The following MAST4 variants were observed in gnomAD, a reference collection of about 807,000 sequenced individuals.
The protein encoded by MAST4 is microtubule-associated serine/threonine-protein kinase 4.
In MAST4, 89 loss-of-function variants were observed where a neutral mutation model predicts 162.7. That is an observed-to-expected ratio of 0.55 (90% confidence interval 0.46 to 0.65). MAST4 has a LOEUF of 0.65. Ranked by LOEUF, MAST4 falls within the 30% of genes least tolerant of loss-of-function variation. The probability of loss-of-function intolerance (pLI) is 0.00; values close to 1 mark genes in which losing one functional copy is unlikely to be tolerated. For missense variants in MAST4, 3,153 were observed against 3,374.0 expected (o/e 0.93, Z 1.62); for synonymous variants, 1,479 against 1,361.1 (o/e 1.09, Z -1.91).
In MAST4 at chr5:67,163,892, G is replaced by A; in HGVS notation, c.4713G>A (p.Glu1571=). 6.2e-7 allele frequency: 1 copy of A among 1,614,050 alleles called. No individual in the cohort carries two copies. ...ACTTTGCTCTGTTTAAGCTGGAAGAGAGAGAGAAGAAAGTCTATCCGAAGG... is the reference window on the plus strand; with the variant it reads ...ACTTTGCTCTGTTTAAGCTGGAAGAAAGAGAGAAGAAAGTCTATCCGAAGG... ...LENFALFKLE[E]REKKVYPKAV... is the part of the protein sequence containing the mutation. Residue 1571 remains glutamate, a synonymous_variant, in exon 29 of 29, where the codon GAG becomes GAA. Transcript: ENST00000403625. This position sits in a 1 kb window ranked among gnomAD's most constrained non-coding sequence, Gnocchi z 7.0.
rs765597420 is a variant in MAST4, at chr5:67,054,463, G to A, written c.734G>A (p.Arg245Gln). 4.3e-6 allele frequency: 7 copies of A among 1,610,770 alleles called. No homozygotes were observed. In the African/African-American group the frequency reaches 6.7e-5, roughly 15 times the overall value. ...AATGGGCAGTCACCAGCATTGCCTCGACCACACTCACCTCTCTCTGCTCAT... is the reference window on the plus strand; with the variant it reads ...AATGGGCAGTCACCAGCATTGCCTCAACCACACTCACCTCTCTCTGCTCAT... ...IGNGQSPALP[R>Q]PHSPLSAHAG... is the part of the protein sequence containing the mutation. The change falls in exon 5 of 29, where the codon CGA becomes CAA. Residue 245 changes from arginine to glutamine, a missense_variant. By Grantham distance (43) the Arg-to-Gln change is conservative (BLOSUM62 1). This residue lies in a region of MAST4 where 360 missense variants were observed against 450.0 expected (regional missense o/e 0.80). Transcript: ENST00000403625.
chr5:66,754,224 G>T (rs1233002094), intron 1 of MAST4, among the ~76,000 whole-genome samples: 1 of 152,118 alleles, frequency 6.6e-6, no homozygotes, highest in African/African-American at 2.4e-5. Context: ...TGGAAGAGGA[G>T]TGGAGTAGGA....
chr5:66,644,049 A>G (rs897467584), intron 1 of MAST4, among the ~76,000 whole-genome samples: 5 of 151,766 alleles, frequency 3.3e-5, no homozygotes, highest in African/African-American at 1.2e-4. Context: ...TAAGCTTTAA[A>G]AAAAATCTGT....
intron 26 of MAST4, among the ~76,000 whole-genome samples, chr5:67,159,673 C>T (rs1332650723): frequency 3.3e-5 from 5 of 152,220 alleles, no homozygotes; most frequent in Admixed American, 1.3e-4. Flanking sequence ...GGACTACCCA[C>T]CTGCCCTGGG....
Position 66,596,727 on chromosome 5 carries a change from A to T in MAST4, c.72A>T (p.Pro24=). The part of the protein sequence containing the change: ...RGCSGHGSRT[P]ASALVAASSP... ...GCAGTGGCCACGGCAGCCGGACTCC[A>T]GCCTCTGCGCTGGTCGCCGCGTCCT... Residue 24 remains proline, a synonymous_variant, in exon 1 of 29, where the codon CCA becomes CCT. Coordinates refer to ENST00000403625, the MANE Select transcript of MAST4 (RefSeq NM_001164664.2). 1 of 1,431,736 alleles carries T rather than the reference A, an allele frequency of 7.0e-7. No individual in the cohort carries two copies. The highest frequency in any genetic ancestry group is 9.1e-7 in the Non-Finnish European group (1 of 1,092,988). 88.7% of individuals were successfully genotyped at this position (1,431,736 alleles called of 1,614,324 possible).
At chr5:67,095,704 C>G (rs1232248441) in intron 7 of MAST4, 29 bp downstream of exon 7, 4 of 1,113,088 alleles carry the variant, frequency 3.6e-6, no homozygotes, top group Non-Finnish European at 4.9e-6. Context: ...TTTTTTTTTT[C>G]TCTTCCTCAC....
intron 3 of MAST4, among the ~76,000 whole-genome samples, chr5:66,813,230 T>G (rs1756559969): frequency 6.6e-6 from 1 of 152,230 alleles, no homozygotes; most frequent in Non-Finnish European, 1.5e-5. Context: ...AAAAATTGTG[T>G]TTGGGATGCA....
At chr5:66,770,450 AG>A (rs1426748710) in intron 2 of MAST4, among the ~76,000 whole-genome samples, 7 of 152,324 alleles carry the variant, frequency 4.6e-5, no homozygotes, top group Non-Finnish European at 7.3e-5. Flanking sequence ...TCTCCCATGC[AG>A]GTGGTCTACC....
At chr5:66,965,805 G>A (rs1289769759) in intron 4 of MAST4, among the ~76,000 whole-genome samples, 2 of 152,128 alleles carry the variant, frequency 1.3e-5, no homozygotes, top group Admixed American at 6.5e-5. Context: ...TAAAAAGTTT[G>A]ACTTTCATTT....
intron 4 of MAST4, among the ~76,000 whole-genome samples, chr5:67,043,515 G>A (rs1186959869): frequency 6.6e-6 from 1 of 151,966 alleles, no homozygotes; most frequent in Non-Finnish European, 1.5e-5. Flanking sequence ...CTCTGGCTTG[G>A]GACTGCCACC....
intron 1 of MAST4, among the ~76,000 whole-genome samples, chr5:66,677,632 A>C (rs1026632860): frequency 6.6e-6 from 1 of 152,218 alleles, no homozygotes; most frequent in Non-Finnish European, 1.5e-5. Context: ...TGTCTCTGCT[A>C]TGCAAAGGGA....
intron 4 of MAST4, among the ~76,000 whole-genome samples, chr5:66,911,562 C>A (rs1394948152): frequency 2.0e-3 from 15 of 7,546 alleles, no homozygotes; most frequent in Non-Finnish European, 9.7e-3. Context: ...ACAACAACCC[C>A]CCCCCCCCCC....
intron 1 of MAST4, among the ~76,000 whole-genome samples, chr5:66,738,768 G>C (rs1752313668): frequency 6.6e-6 from 1 of 152,316 alleles, no homozygotes; most frequent in Admixed American, 6.5e-5. Context: ...CTCAGCTGCT[G>C]TCAGGCCTTT....
intron 5 of MAST4, among the ~76,000 whole-genome samples, chr5:67,085,042 A>T (rs1253892689): frequency 6.6e-6 from 1 of 152,166 alleles, no homozygotes; most frequent in Non-Finnish European, 1.5e-5. Flanking sequence ...AAATTATTTT[A>T]TGTGGAGCTT....
intron 5 of MAST4, among the ~76,000 whole-genome samples, chr5:67,080,615 C>G (rs1456106001): frequency 6.6e-6 from 1 of 151,996 alleles, no homozygotes; most frequent in African/African-American, 2.4e-5. Flanking sequence ...TGTATAAAGG[C>G]AAATTATGTT....
At position 66,751,278 on chromosome 5, in the gene MAST4, G is replaced by A. The variant is rs992904649; in HGVS notation, c.364-8431G>A. ...AGGAATGCAGTTCCTCACCAGCAACGGAACAAAGCTGGATGGAGAATGACT... is the reference window on the plus strand; with the variant it reads ...AGGAATGCAGTTCCTCACCAGCAACAGAACAAAGCTGGATGGAGAATGACT... On this transcript the variant is annotated intron_variant, in intron 1 of 28. Coordinates refer to ENST00000403625, the MANE Select transcript of MAST4 (RefSeq NM_001164664.2). Among the ~76,000 whole-genome samples the A allele has an allele frequency of 1.8e-4, 28 of 152,262 alleles. 1 individual carries two copies. Among genetic ancestry groups the A allele is most frequent in the Admixed American group, 4.6e-4 (7 of 15,296 alleles).
intron 14 of MAST4, among the ~76,000 whole-genome samples, chr5:67,129,397 G>A (rs1768657024): frequency 6.6e-6 from 1 of 152,094 alleles, no homozygotes; most frequent in African/African-American, 2.4e-5. Flanking sequence ...GGGGTTTTTT[G>A]TGGATCCCAA....
intron 3 of MAST4, among the ~76,000 whole-genome samples, chr5:66,845,125 A>ATATATG (rs1758743464): frequency 3.0e-5 from 4 of 134,194 alleles, no homozygotes; most frequent in African/African-American, 1.1e-4. Flanking sequence ...ATATATATAT[A>ATATATG]TACACACACA....
chr5:67,046,016 G>A (rs1239479781), intron 4 of MAST4, among the ~76,000 whole-genome samples: 1 of 152,094 alleles, frequency 6.6e-6, no homozygotes, highest in Non-Finnish European at 1.5e-5. Flanking sequence ...ACTGCTCTGA[G>A]CTATTTTTCT....
Sources: gnomAD v4.1 joint callset for allele counts (sites outside exome capture counted in the v4.1 genomes callset) on GRCh38, gnomAD v4.1.1 for gene constraint, gnomAD v4.1.1 regional missense constraint, Gnocchi (gnomAD v3.1) non-coding constraint, MANE v1.5 for transcripts, NCBI Gene and HGNC (gene_info 2026-07-23, HGNC 2026-07-21) for gene names.